Variants in ZCCHC24 observed in about 807,000 individuals in gnomAD.
ZCCHC24 encodes the protein zinc finger CCHC-type containing 24, also known as zinc finger CCHC domain-containing protein 24.
A neutral mutation model predicts 26.2 loss-of-function variants in ZCCHC24; 10 were observed. The ratio of observed to expected loss-of-function variants is 0.38; its 90% CI spans 0.24 to 0.65. ZCCHC24 has a LOEUF of 0.65. ZCCHC24 is among the 30% of genes least tolerant of loss of function. ZCCHC24 has a pLI of 0.54. For missense variants in ZCCHC24, 243 were observed against 329.1 expected, an observed-to-expected ratio of 0.74 and a Z score of 2.03; for synonymous variants, 144 against 147.1, an observed-to-expected ratio of 0.98 and a Z score of 0.15.
At chr10:79,444,132 C>T (rs1322942785) in intron 1 of ZCCHC24, 4 of 1,545,872 alleles carry the variant, frequency 2.6e-6, no homozygotes, top group South Asian at 2.4e-5. Flanking sequence ...GGAAAGTGAC[C>T]CCCATGTGTG....
intron 2 of ZCCHC24, among the ~76,000 whole-genome samples, chr10:79,401,157 C>T (rs575330469): frequency 6.6e-6 from 1 of 152,338 alleles, no homozygotes; most frequent in South Asian, 2.1e-4. Flanking sequence ...CCCCAGGATG[C>T]ACGGCCTCTG....
At chr10:79,439,928 C>A (rs1857268782) in intron 1 of ZCCHC24, among the ~76,000 whole-genome samples, 1 of 152,108 alleles carries the variant, frequency 6.6e-6, no homozygotes. Context: ...CCATTTGTGT[C>A]ATAAAGAAGC....
intron 2 of ZCCHC24, among the ~76,000 whole-genome samples, chr10:79,415,130 AG>A (rs1303559410): frequency 6.6e-6 from 1 of 152,174 alleles, no homozygotes; most frequent in Non-Finnish European, 1.5e-5. Flanking sequence ...CTGAGTTGCT[AG>A]GCTCACAAAG....
At chr10:79,439,537 A>C (rs1857262694) in intron 1 of ZCCHC24, among the ~76,000 whole-genome samples, 1 of 152,214 alleles carries the variant, frequency 6.6e-6, no homozygotes. Flanking sequence ...TAAGTAGAAA[A>C]GACAAGATTC....
chr10:79,427,477 T>C lies in ZCCHC24; in HGVS notation c.447+5081A>G, dbSNP rs554943594. Among the ~76,000 whole-genome samples, 6 of 152,270 alleles carry C rather than the reference T, an allele frequency of 3.9e-5. No homozygotes were observed. The East Asian group carries it at 9.6e-4, about 24-fold the overall frequency. On this transcript the variant is annotated intron_variant, in intron 2 of 3. Coordinates refer to ENST00000372336, the MANE Select transcript of ZCCHC24 (RefSeq NM_153367.4). ...CACAATAAATTTAGAAGGGTTAATA[T>C]AATATAAAATATCTTCTATGACCAC...
chr10:79,386,344 G>T lies in ZCCHC24; in HGVS notation c.*1C>A. 6.2e-7 allele frequency: 1 copy of T among 1,612,150 alleles called. No homozygotes were observed. Among genetic ancestry groups the T allele is most frequent in the African/African-American group, 1.3e-5 (1 of 75,040 alleles). Reference sequence around the variant, plus strand: ...GGCTCTGGGTGCGGGCGGGCAGCCCGTCACTGCACGCGACGGCAGTAGTAG... The same window carrying T: ...GGCTCTGGGTGCGGGCGGGCAGCCCTTCACTGCACGCGACGGCAGTAGTAG... On this transcript the variant is annotated 3_prime_UTR_variant, in exon 4 of 4. Transcript: ENST00000372336.
chr10:79,413,779 TGAGAGA>T (rs35633486), intron 2 of ZCCHC24, among the ~76,000 whole-genome samples: 10 of 146,752 alleles, frequency 6.8e-5, no homozygotes, highest in Admixed American at 4.1e-4. Flanking sequence ...TGTGTGTGTG[TGAGAGA>T]GAGAGAGAGA....
At chr10:79,401,116 C>T (rs1856623912) in intron 2 of ZCCHC24, among the ~76,000 whole-genome samples, 1 of 152,222 alleles carries the variant, frequency 6.6e-6, no homozygotes, top group Non-Finnish European at 1.5e-5. Context: ...GAGGCTGTGC[C>T]CTGCACGCCA....
chr10:79,421,570 G>T (rs1856937779), intron 2 of ZCCHC24, among the ~76,000 whole-genome samples: 1 of 151,732 alleles, frequency 6.6e-6, no homozygotes, highest in Non-Finnish European at 1.5e-5. Flanking sequence ...CATTCAAAGG[G>T]CTTTTTGTCT....
Position 79,403,441 on chromosome 10 carries a change from G to A in ZCCHC24, c.448-9001C>T, listed in dbSNP as rs7903019. On this transcript the variant is annotated intron_variant, in intron 2 of 3. Transcript: ENST00000372336. ...CACTCACATGTCCACATGCACGGCC[G>A]GGGGAGGCAGGTGGAAGGGCTGCGT... 13,405 of 985,284 alleles carry A rather than the reference G, an allele frequency of 0.014. 1,338 individuals carry two copies. In the African/African-American group the frequency reaches 0.21, roughly 16 times the overall value. The allele number at this position is 985,284 out of a possible 1,614,324, so 61.0% of individuals were successfully genotyped here.
chr10:79,427,432 T>C (rs1482476155), intron 2 of ZCCHC24, among the ~76,000 whole-genome samples: 2 of 152,184 alleles, frequency 1.3e-5, no homozygotes, highest in Non-Finnish European at 2.9e-5. Context: ...TAACTCATAA[T>C]GTTAGGTTCT....
intron 1 of ZCCHC24, among the ~76,000 whole-genome samples, chr10:79,444,918 G>A (rs1857342194): frequency 6.6e-6 from 1 of 152,272 alleles, no homozygotes; most frequent in Middle Eastern, 3.4e-3. Context: ...AACCCCTTTG[G>A]AGCAGGGCTG....
intron 1 of ZCCHC24, among the ~76,000 whole-genome samples, chr10:79,440,696 C>T (rs910148704): frequency 6.6e-6 from 1 of 152,174 alleles, no homozygotes; most frequent in African/African-American, 2.4e-5. Flanking sequence ...GAAAGAGAGG[C>T]CATGAATAGA....
intron 2 of ZCCHC24, among the ~76,000 whole-genome samples, chr10:79,428,159 T>C (rs1857060141): frequency 6.6e-6 from 1 of 152,212 alleles, no homozygotes; most frequent in African/African-American, 2.4e-5. Flanking sequence ...AAATGTGGTA[T>C]ATACATACAA....
rs561884774 is a variant in ZCCHC24, at chr10:79,423,581, C to CTATATATA, written c.447+8969_447+8976dup. On this transcript the variant is annotated intron_variant, in intron 2 of 3. Coordinates refer to ENST00000372336, the MANE Select transcript of ZCCHC24 (RefSeq NM_153367.4). The stretch of plus-strand genomic sequence containing the variant: ...AACAAAAACAAACAAAATATATATA[C>CTATATATA]TATATATATATATATATATATATAT... Among the ~76,000 whole-genome samples, 188 of 53,748 alleles carry CTATATATA rather than the reference C, an allele frequency of 3.5e-3. 10 individuals are homozygous for CTATATATA. Among genetic ancestry groups the CTATATATA allele is most frequent in the African/African-American group, 0.012 (153 of 13,010 alleles). 35.3% of individuals were successfully genotyped at this position (53,748 alleles called of 152,430 possible).
chr10:79,419,464 G>A (rs893834649), intron 2 of ZCCHC24, among the ~76,000 whole-genome samples: 1 of 152,230 alleles, frequency 6.6e-6, no homozygotes, highest in African/African-American at 2.4e-5. Flanking sequence ...GGGCTCTCCT[G>A]TTCTTACTGA....
rs561884774 is a variant in ZCCHC24, at chr10:79,423,581, C to CTA, written c.447+8975_447+8976dup. On this transcript the variant is annotated intron_variant, in intron 2 of 3. Transcript: ENST00000372336. ...AACAAAAACAAACAAAATATATATACTATATATATATATATATATATATAT... is the reference window on the plus strand; with the variant it reads ...AACAAAAACAAACAAAATATATATACTATATATATATATATATATATATATAT... Among the ~76,000 whole-genome samples the CTA allele has an allele frequency of 9.4e-3, 505 of 53,744 alleles. 19 individuals carry two copies. Among genetic ancestry groups the CTA allele is most frequent in the African/African-American group, 0.021 (274 of 13,012 alleles). The allele number at this position is 53,744 out of a possible 152,430, so 35.3% of individuals were successfully genotyped here.
At chr10:79,399,458 C>T (rs1373397983) in intron 2 of ZCCHC24, among the ~76,000 whole-genome samples, 1 of 152,232 alleles carries the variant, frequency 6.6e-6, no homozygotes, top group Non-Finnish European at 1.5e-5. Flanking sequence ...GACCCAGGCC[C>T]CTGCCACGTA....
chr10:79,421,880 C>T (rs563685498), intron 2 of ZCCHC24, among the ~76,000 whole-genome samples: 147 of 152,270 alleles, frequency 9.7e-4, no homozygotes, highest in Non-Finnish European at 1.4e-3. Context: ...CTGCTCACCT[C>T]GTCCTCCCAA....
Sources: gnomAD v4.1 joint callset for allele counts (sites outside exome capture counted in the v4.1 genomes callset) on GRCh38, gnomAD v4.1.1 for gene constraint, MANE v1.5 for transcripts, NCBI Gene and HGNC (gene_info 2026-07-23, HGNC 2026-07-21) for gene names.